The following CASK variants were observed in gnomAD, a reference collection of about 807,000 sequenced individuals.
The protein encoded by CASK is calcium/calmodulin dependent serine protein kinase, also known as peripheral plasma membrane protein CASK.
A neutral mutation model predicts 82.9 loss-of-function variants in CASK; 4 were observed. The observed-to-expected ratio is 0.05, with a 90% CI of 0.02 to 0.11. The LOEUF (loss-of-function observed/expected upper bound fraction) is 0.11. Ranked by LOEUF, CASK falls within the 10% of genes least tolerant of loss-of-function variation. The probability of loss-of-function intolerance (pLI) is 1.00; values close to 1 mark genes in which losing one functional copy is unlikely to be tolerated. For missense variants in CASK, 358 were observed against 720.9 expected, an observed-to-expected ratio of 0.50 and a Z score of 5.76; for synonymous variants, 259 against 253.5, an observed-to-expected ratio of 1.02 and a Z score of -0.20.
intron 4 of CASK, among the ~76,000 whole-genome samples, chrX:41,741,523 C>A (rs763124630): frequency 1.8e-5 from 2 of 111,492 alleles, no homozygotes; most frequent in South Asian, 7.5e-4. Flanking sequence ...TTATCTTTAA[C>A]CTAAAGAAAA....
intron 5 of CASK, among the ~76,000 whole-genome samples, chrX:41,737,190 C>T (rs771965148): frequency 1.8e-5 from 2 of 111,650 alleles, no homozygotes; most frequent in South Asian, 3.7e-4. Context: ...GAGAGAGAGA[C>T]GTTTTGAATG....
intron 17 of CASK, among the ~76,000 whole-genome samples, chrX:41,560,389 G>A (rs892636421): frequency 9.3e-5 from 10 of 107,922 alleles, no homozygotes; most frequent in Admixed American, 6.9e-4. Context: ...TCAGCCTCCC[G>A]GGTAGCTGGG....
chrX:41,890,670 C>T (rs781274109), intron 1 of CASK, among the ~76,000 whole-genome samples: 143 of 111,239 alleles, frequency 1.3e-3, no homozygotes, highest in Non-Finnish European at 2.5e-3. Context: ...TCTTAATTGA[C>T]CCCACTTAAC....
intron 8 of CASK, among the ~76,000 whole-genome samples, chrX:41,648,121 C>T (rs1033645874): frequency 2.7e-5 from 3 of 111,530 alleles, no homozygotes; most frequent in African/African-American, 9.8e-5. Context: ...CATGGAACGT[C>T]CCTGAGAAAG....
chrX:41,596,520 T>G (rs2065824354), intron 12 of CASK, among the ~76,000 whole-genome samples: 1 of 112,127 alleles, frequency 8.9e-6, no homozygotes, highest in Admixed American at 9.5e-5. Flanking sequence ...AGGTATCAGG[T>G]GTATTTGTAA....
At chrX:41,761,116 G>A (rs776977682) in intron 3 of CASK, among the ~76,000 whole-genome samples, 1 of 111,892 alleles carries the variant, frequency 8.9e-6, no homozygotes, top group South Asian at 3.7e-4. Context: ...TTCATTCAGA[G>A]GCAGGTGTAT....
chrX:41,751,914 T>C (rs2068797202), intron 3 of CASK, among the ~76,000 whole-genome samples: 1 of 109,111 alleles, frequency 9.2e-6, no homozygotes, highest in Admixed American at 9.8e-5. Flanking sequence ...GGTGTGGTGG[T>C]ACACACCTGT....
chrX:41,587,252 C>T (rs938468794), intron 13 of CASK: 13 of 233,446 alleles, frequency 5.6e-5, no homozygotes, highest in Non-Finnish European at 9.1e-5. Flanking sequence ...AAGGCTGCAA[C>T]ATATATTTAT....
chrX:41,711,075 C>A (rs964585375), intron 5 of CASK, among the ~76,000 whole-genome samples: 5 of 111,291 alleles, frequency 4.5e-5, no homozygotes, highest in Middle Eastern at 4.6e-3. Flanking sequence ...AAAGAGGGAG[C>A]CGTGGGATCC....
intron 15 of CASK, among the ~76,000 whole-genome samples, chrX:41,574,564 C>T (rs1041827743): frequency 4.5e-5 from 5 of 111,159 alleles, no homozygotes; most frequent in Non-Finnish European, 9.4e-5. Context: ...TCTGATTATC[C>T]ACTATTAAAA....
intron 1 of CASK, among the ~76,000 whole-genome samples, chrX:41,914,036 TAGAG>T (rs752860728): frequency 1.2e-4 from 13 of 112,139 alleles, no homozygotes; most frequent in Non-Finnish European, 2.4e-4. Context: ...ATGGAAGGAC[TAGAG>T]AGAGAGACCT....
intron 4 of CASK, among the ~76,000 whole-genome samples, chrX:41,744,112 G>A (rs1239749075): frequency 9.4e-6 from 1 of 106,279 alleles, no homozygotes; most frequent in African/African-American, 3.5e-5. Context: ...TCCGTCCCCC[G>A]CCGCCCGCAC....
At chrX:41,646,363 T>TA (rs1377758680) in intron 8 of CASK, among the ~76,000 whole-genome samples, 1 of 111,230 alleles carries the variant, frequency 9.0e-6, no homozygotes, top group Non-Finnish European at 1.9e-5. Flanking sequence ...AAAGGCTATT[T>TA]AAAAAACAAT....
At chrX:41,561,684 T>C (rs1256938711) in intron 16 of CASK, 40 bp from the exon 17 acceptor site, 8 of 960,047 alleles carry the variant, frequency 8.3e-6, no homozygotes, top group Non-Finnish European at 1.2e-5. Flanking sequence ...AAATGATATA[T>C]GCTTTCATAG....
At chrX:41,712,269 G>T (rs1272343103) in intron 5 of CASK, among the ~76,000 whole-genome samples, 5 of 112,426 alleles carry the variant, frequency 4.4e-5, no homozygotes, top group Non-Finnish European at 9.4e-5. Context: ...CGGGGAGTTG[G>T]TTCACTGGTT....
chrX:41,920,914 C>A (rs1164694880), intron 1 of CASK, among the ~76,000 whole-genome samples: 1 of 111,834 alleles, frequency 8.9e-6, no homozygotes, highest in Non-Finnish European at 1.9e-5. Context: ...AACTAAGATG[C>A]AACAAACATC....
chrX:41,646,803 A>G (rs1307453632), intron 8 of CASK, among the ~76,000 whole-genome samples: 2 of 111,556 alleles, frequency 1.8e-5, no homozygotes, highest in African/African-American at 3.3e-5. Flanking sequence ...ATTGTCATCT[A>G]TACACTTGTA....
chrX:41,634,768 A>C (rs2066526530), intron 9 of CASK, among the ~76,000 whole-genome samples: 1 of 112,759 alleles, frequency 8.9e-6, no homozygotes, highest in South Asian at 3.6e-4. Context: ...CAGTTGACCA[A>C]ATTTCACTTT....
At chrX:41,589,770 G>A (rs777276660) in intron 12 of CASK, 178 bp from the exon 13 acceptor site, 1 of 410,769 alleles carries the variant, frequency 2.4e-6, no homozygotes, top group African/African-American at 2.5e-5. Context: ...CAGAATATGA[G>A]TCTTATGCAT....
Sources: gnomAD v4.1 joint callset for allele counts (sites outside exome capture counted in the v4.1 genomes callset) on GRCh38, gnomAD v4.1.1 for gene constraint, MANE v1.5 for transcripts, NCBI Gene and HGNC (gene_info 2026-07-23, HGNC 2026-07-21) for gene names.